Variants in WIPI2 observed in about 807,000 individuals in gnomAD.
WIPI2 encodes the protein WD repeat domain phosphoinositide-interacting protein 2.
WIPI2 carries 28 observed loss-of-function variants against 52.3 expected under a neutral mutation model. That is an observed-to-expected ratio of 0.54 (90% CI 0.40 to 0.73). The LOEUF is 0.73. Ranked by LOEUF, WIPI2 falls within the 30% of genes least tolerant of loss-of-function variation. WIPI2 has a pLI of 0.00. For missense variants in WIPI2, 506 were observed against 602.9 expected, an observed-to-expected ratio of 0.84 and a Z score of 1.68; for synonymous variants, 268 against 245.0, an observed-to-expected ratio of 1.09 and a Z score of -0.88.
intron 3 of WIPI2, chr7:5,213,101 C>T (rs1782636714): frequency 6.6e-6 from 1 of 151,904 alleles, no homozygotes; most frequent in Non-Finnish European, 1.5e-5. Flanking sequence ...TCGTGCCTTT[C>T]GTTGACAGAT....
In WIPI2 at chr7:5,231,291, A is replaced by C. The variant is rs1168944237; in HGVS notation, c.*344A>C. On this transcript the variant is annotated 3_prime_UTR_variant, in exon 13 of 13. Transcript: ENST00000288828. ...GGGAGCTAGAAGCCACTTTCCAGCC[A>C]CCTGCCGTTGGGTTTTTTCATATCT... The C allele has an allele frequency of 4.8e-6, 1 of 209,040 alleles. No individual in the cohort carries two copies. The highest frequency in any genetic ancestry group is 1.1e-4 in the South Asian group (1 of 9,264). 12.9% of individuals were successfully genotyped at this position (209,040 alleles called of 1,614,324 possible).
chr7:5,222,577 C>T, intron 7 of WIPI2, 25 bp from the exon 8 acceptor site: 1 of 1,609,024 alleles, frequency 6.2e-7, no homozygotes. Context: ...AGCTCAAATT[C>T]TTCTTTTCTC....
At chr7:5,197,465 G>C (rs2115207880) in intron 2 of WIPI2, among the ~76,000 whole-genome samples, 1 of 152,072 alleles carries the variant, frequency 6.6e-6, no homozygotes, top group East Asian at 1.9e-4. Context: ...ATAGTTACAG[G>C]TAATAATACC....
At chr7:5,223,667 G>A (rs1783266152) in intron 8 of WIPI2, among the ~76,000 whole-genome samples, 1 of 152,164 alleles carries the variant, frequency 6.6e-6, no homozygotes, top group South Asian at 2.1e-4. Context: ...GGCTGGACGT[G>A]TAGCCTGGCT....
intron 9 of WIPI2, chr7:5,226,257 C>T (rs772621618): frequency 9.8e-6 from 3 of 307,306 alleles, no homozygotes; most frequent in Admixed American, 4.6e-5. Flanking sequence ...TGTGATCAGA[C>T]AGCCCACTAG....
chr7:5,193,013 G>A, intron 1 of WIPI2, 105 bp from the exon 2 acceptor site: 1 of 1,071,246 alleles, frequency 9.3e-7, no homozygotes, highest in Non-Finnish European at 1.4e-6. Context: ...CTGGTAATAT[G>A]ATTTCCAATG....
rs897010630 is a variant in WIPI2 at position 5,232,745 on chromosome 7, A to T, written c.*1798A>T. ...TTTGGCAAGAGTGAGTGTGGGGGGA[A>T]AAAGTGTGCACAAGAGATACGGAAC... On this transcript the variant is annotated 3_prime_UTR_variant, in exon 13 of 13. Coordinates refer to ENST00000288828, the MANE Select transcript of WIPI2 (RefSeq NM_015610.4). The T allele has an allele frequency of 7.5e-6, 1 of 132,810 alleles. No individual in the cohort carries two copies. The highest frequency in any genetic ancestry group is 1.8e-4 in the East Asian group (1 of 5,690). 8.2% of individuals were successfully genotyped at this position (132,810 alleles called of 1,614,324 possible).
intron 2 of WIPI2, 141 bp downstream of exon 2, chr7:5,193,312 A>T: frequency 6.7e-7 from 1 of 1,485,630 alleles, no homozygotes; most frequent in East Asian, 2.3e-5. Context: ...ATCAAGGACT[A>T]CATTTTTCCA....
chr7:5,224,214 A>T (rs1044814402), intron 8 of WIPI2, among the ~76,000 whole-genome samples: 1 of 152,142 alleles, frequency 6.6e-6, no homozygotes, highest in African/African-American at 2.4e-5. Context: ...TTTATCCACC[A>T]GGGTCTTGCG....
chr7:5,206,881 G>A (rs1404274006), intron 3 of WIPI2, among the ~76,000 whole-genome samples: 4 of 152,118 alleles, frequency 2.6e-5, no homozygotes, highest in African/African-American at 4.8e-5. Flanking sequence ...GGGCTCAAGC[G>A]ATCCTCCTGC....
chr7:5,229,772 A>T, intron 12 of WIPI2, 34 bp downstream of exon 12: 2 of 1,610,948 alleles, frequency 1.2e-6, no homozygotes, highest in Non-Finnish European at 1.7e-6. Flanking sequence ...GAAGGTAATT[A>T]GCCCCACAGC....
At chr7:5,221,784 A>G (rs1783142950) in intron 7 of WIPI2, among the ~76,000 whole-genome samples, 1 of 152,042 alleles carries the variant, frequency 6.6e-6, no homozygotes. Context: ...GCATCTTACC[A>G]TTTGGTGAGT....
chr7:5,224,921 C>T (rs1783352074), intron 8 of WIPI2, among the ~76,000 whole-genome samples: 1 of 152,182 alleles, frequency 6.6e-6, no homozygotes, highest in African/African-American at 2.4e-5. Flanking sequence ...GACCCCACCC[C>T]CATCGCTGGA....
intron 2 of WIPI2, among the ~76,000 whole-genome samples, chr7:5,197,666 C>A (rs1025231157): frequency 1.3e-5 from 2 of 152,114 alleles, no homozygotes; most frequent in African/African-American, 4.8e-5. Context: ...ACATTTCTTC[C>A]ACATACGTGT....
At chr7:5,202,496 TC>T (rs1441159603) in intron 3 of WIPI2, among the ~76,000 whole-genome samples, 1 of 152,018 alleles carries the variant, frequency 6.6e-6, no homozygotes. Flanking sequence ...CGATCCTCCC[TC>T]CTCAGCCTCC....
chr7:5,198,140 G>C (rs1423914872), intron 2 of WIPI2, among the ~76,000 whole-genome samples: 1 of 152,146 alleles, frequency 6.6e-6, no homozygotes, highest in Non-Finnish European at 1.5e-5. Flanking sequence ...CGGGGCCTTT[G>C]ATTCCAGACT....
rs147675080 is a variant in WIPI2, at chr7:5,223,614, C to T, written c.740+942C>T. 4.2e-3 allele frequency among the ~76,000 whole-genome samples: 644 copies of T among 152,328 alleles called. 14 individuals are homozygous for T. The highest frequency in any genetic ancestry group is 2.7e-3 in the East Asian group (14 of 5,176). ...TGCCCTGGAGCCGCTCTTCACCCAA[C>T]CCCCTTCCTCACCCCCGTGGCCTGT... On this transcript the variant is annotated intron_variant, in intron 8 of 12. Transcript: ENST00000288828.
At chr7:5,221,329 G>A (rs1339768405) in intron 7 of WIPI2, among the ~76,000 whole-genome samples, 2 of 151,932 alleles carry the variant, frequency 1.3e-5, no homozygotes, top group African/African-American at 2.4e-5. Flanking sequence ...GGGTGGTCTC[G>A]AACTCCTCAC....
chr7:5,206,431 G>T (rs946095675), intron 3 of WIPI2, among the ~76,000 whole-genome samples: 2 of 152,192 alleles, frequency 1.3e-5, no homozygotes, highest in African/African-American at 4.8e-5. Context: ...TCATTTTACT[G>T]TTCTCTTTTA....
Sources: allele counts gnomAD v4.1 joint callset (sites outside exome capture counted in the v4.1 genomes callset), GRCh38; gene constraint gnomAD v4.1.1; transcripts MANE v1.5; gene names NCBI Gene and HGNC (gene_info 2026-07-23, HGNC 2026-07-21).